The following CEP128 variants were observed in gnomAD, a reference collection of about 807,000 sequenced individuals.
The protein encoded by CEP128 is centrosomal protein 128.
Under a neutral mutation model 156.7 loss-of-function variants are expected in CEP128, and 132 were observed. The ratio of observed to expected loss-of-function variants is 0.84; its 90% CI spans 0.73 to 0.97. The LOEUF (loss-of-function observed/expected upper bound fraction) is 0.97. Ranked by LOEUF, CEP128 falls within the 50% of genes least tolerant of loss-of-function variation. CEP128 has a pLI of 0.00. For synonymous variants in CEP128, 469 were observed against 448.9 expected, an observed-to-expected ratio of 1.04 and a Z score of -0.57; for missense variants, 1,252 against 1,281.9, an observed-to-expected ratio of 0.98 and a Z score of 0.36.
At chr14:80,689,705 G>A (rs748136358) in intron 19 of CEP128, among the ~76,000 whole-genome samples, 2 of 152,110 alleles carry the variant, frequency 1.3e-5, no homozygotes, top group Non-Finnish European at 2.9e-5. Context: ...TATATACATA[G>A]ACGCACATGT....
chr14:80,745,809 T>C (rs1027345592), intron 18 of CEP128, among the ~76,000 whole-genome samples: 2 of 151,848 alleles, frequency 1.3e-5, no homozygotes, highest in Non-Finnish European at 2.9e-5. Flanking sequence ...AAGGAAGAAG[T>C]GAACATATCT....
At chr14:80,846,109 AT>A (rs1886587759) in intron 9 of CEP128, among the ~76,000 whole-genome samples, 1 of 152,198 alleles carries the variant, frequency 6.6e-6, no homozygotes, top group Admixed American at 6.5e-5. Context: ...CTTATTTGTT[AT>A]AATTTACAAT....
chr14:80,679,836 G>A (rs1023089098), intron 19 of CEP128, among the ~76,000 whole-genome samples: 15 of 152,250 alleles, frequency 9.9e-5, no homozygotes, highest in African/African-American at 3.1e-4. Flanking sequence ...CAGCTCAGGT[G>A]GGCAACACAG....
At chr14:80,485,701 G>T (rs953343695), downstream of CEP128, among the ~76,000 whole-genome samples, 2 of 152,094 alleles carry the variant, frequency 1.3e-5, no homozygotes, top group African/African-American at 4.8e-5. Context: ...CAAGAATTTA[G>T]CAATGAATGA....
chr14:80,610,884 T>C (rs1280845420), intron 19 of CEP128, among the ~76,000 whole-genome samples: 2 of 152,144 alleles, frequency 1.3e-5, no homozygotes, highest in African/African-American at 2.4e-5. Context: ...TACATTAATA[T>C]AGAGAAATCT....
At chr14:80,509,510 T>A (rs1009919315) in intron 23 of CEP128, among the ~76,000 whole-genome samples, 2 of 152,202 alleles carry the variant, frequency 1.3e-5, no homozygotes, top group Non-Finnish European at 2.9e-5. Context: ...TATGGAGTTG[T>A]TTGAGTTCCT....
At chr14:80,908,512 C>T (rs1207908385) in intron 4 of CEP128, among the ~76,000 whole-genome samples, 1 of 152,048 alleles carries the variant, frequency 6.6e-6, no homozygotes, top group African/African-American at 2.4e-5. Context: ...TCTTATTTTT[C>T]AGTTTCTGAA....
rs1203674367 is a variant in CEP128, at chr14:80,862,734, C to T, written c.762+23G>A. The T allele has an allele frequency of 3.5e-6, 5 of 1,428,342 alleles. 1 individual carries two copies. The East Asian group carries it at 1.1e-4, about 32-fold the overall frequency. The allele number at this position is 1,428,342 out of a possible 1,614,324, so 88.5% of individuals were successfully genotyped here. The stretch of plus-strand genomic sequence containing the variant: ...AACATCCAAATTCAAGATTTACATT[C>T]CATGAAAGTGTTTTTCACAAACCTC... On this transcript the variant is annotated intron_variant, in intron 9 of 24. Coordinates refer to ENST00000555265, the MANE Select transcript of CEP128 (RefSeq NM_152446.5).
At chr14:80,818,611 T>C (rs1034876031) in intron 13 of CEP128, among the ~76,000 whole-genome samples, 4 of 152,248 alleles carry the variant, frequency 2.6e-5, no homozygotes, top group Non-Finnish European at 5.9e-5. Context: ...GTCTTAATGA[T>C]GACCCAGGTC....
At chr14:80,779,503 A>G (rs542825182) in intron 15 of CEP128, among the ~76,000 whole-genome samples, 1 of 152,304 alleles carries the variant, frequency 6.6e-6, no homozygotes, top group East Asian at 1.9e-4. Flanking sequence ...ACTTTTCTTT[A>G]TGTCCTAACA....
chr14:80,877,230 G>GA (rs956986823), intron 8 of CEP128, among the ~76,000 whole-genome samples: 18 of 150,846 alleles, frequency 1.2e-4, no homozygotes, highest in Admixed American at 4.0e-4. Flanking sequence ...TAATAAAAAC[G>GA]AAAAAAAACA....
intron 20 of CEP128, among the ~76,000 whole-genome samples, chr14:80,564,860 A>G (rs1890844611): frequency 6.6e-6 from 1 of 152,104 alleles, no homozygotes; most frequent in African/African-American, 2.4e-5. Flanking sequence ...GGAGTCTGAG[A>G]CGAGCCTGGC....
At chr14:80,853,551 A>G (rs79254567) in intron 9 of CEP128, among the ~76,000 whole-genome samples, 7,117 of 151,912 alleles carry the variant, frequency 0.047, 187 homozygotes, top group Middle Eastern at 0.061. Flanking sequence ...AGAAAGAAAA[A>G]CCATAAGGTA....
chr14:80,735,476 A>G (rs1002137994), intron 19 of CEP128, among the ~76,000 whole-genome samples: 1 of 152,236 alleles, frequency 6.6e-6, no homozygotes, highest in Non-Finnish European at 1.5e-5. Flanking sequence ...TAATTTACTG[A>G]TAAGTGTCCA....
intron 8 of CEP128, among the ~76,000 whole-genome samples, chr14:80,871,837 G>T (rs1888043623): frequency 6.6e-6 from 1 of 152,016 alleles, no homozygotes; most frequent in African/African-American, 2.4e-5. Flanking sequence ...AATTAGAATG[G>T]CTTTTAAGAT....
In CEP128 at chr14:80,564,342, A is replaced by T. The variant is rs1383845918; in HGVS notation, c.2857-5040T>A. Among the ~76,000 whole-genome samples, 3 of 152,248 alleles carry T rather than the reference A, an allele frequency of 2.0e-5. No homozygotes were observed. The East Asian group carries it at 5.8e-4, about 29-fold the overall frequency. ...TGAATATTACACTTTCTAAGTAAAA[A>T]TAATGTGGCTAGACATCATGTTTTA... On this transcript the variant is annotated intron_variant, in intron 20 of 24. Coordinates refer to ENST00000555265, the MANE Select transcript of CEP128 (RefSeq NM_152446.5).
At chr14:80,589,544 A>G (rs1482400220) in intron 19 of CEP128, among the ~76,000 whole-genome samples, 1 of 152,122 alleles carries the variant, frequency 6.6e-6, no homozygotes, top group Non-Finnish European at 1.5e-5. Context: ...ACATGTCATA[A>G]GCTGTGACTC....
chr14:80,836,843 C>A (rs1160908586), intron 11 of CEP128, among the ~76,000 whole-genome samples: 1 of 152,116 alleles, frequency 6.6e-6, no homozygotes, highest in Non-Finnish European at 1.5e-5. Flanking sequence ...CCTTAGACTG[C>A]CAAATTACCT....
intron 19 of CEP128, among the ~76,000 whole-genome samples, chr14:80,728,144 G>A (rs536799004): frequency 7.9e-5 from 12 of 152,232 alleles, no homozygotes; most frequent in Admixed American, 2.6e-4. Flanking sequence ...AATGTGATAC[G>A]TATACACCAT....
Sources: allele counts gnomAD v4.1 joint callset (sites outside exome capture counted in the v4.1 genomes callset), GRCh38; gene constraint gnomAD v4.1.1; transcripts MANE v1.5; gene names NCBI Gene and HGNC (gene_info 2026-07-23, HGNC 2026-07-21).